IPO8: variants seen among roughly 807,000 people sequenced by gnomAD.
The protein encoded by IPO8 is importin-8.
Under a neutral mutation model 141.2 loss-of-function variants are expected in IPO8, and 65 were observed. That is an observed-to-expected ratio of 0.46 (90% CI 0.38 to 0.57). IPO8 has a LOEUF of 0.57. Ranked by LOEUF, IPO8 falls within the 20% of genes least tolerant of loss-of-function variation. The pLI, the probability that IPO8 is intolerant of heterozygous loss-of-function variation, is 0.00. For missense variants in IPO8, 980 were observed against 1,246.8 expected (o/e 0.79, Z 3.22); for synonymous variants, 411 against 420.3 (o/e 0.98, Z 0.27).
Position 30,639,547 on chromosome 12 carries a change from A to G in IPO8, c.2457T>C (p.Asn819=), listed in dbSNP as rs1262107303. 6.2e-7 allele frequency: 1 copy of G among 1,613,272 alleles called. No individual in the cohort carries two copies. Among genetic ancestry groups the G allele is most frequent in the East Asian group, 2.2e-5 (1 of 44,882 alleles). ...NPGPITVQFI[N]QWMNDTDCFL... is the part of the protein sequence containing the mutation. The stretch of plus-strand genomic sequence containing the variant: ...AACAATCTGTATCATTCATCCATTG[A>G]TTTATAAACTGTACAGTGATAGGTC... The change falls in exon 21 of 25, where the codon AAT becomes AAC. Residue 819 remains asparagine, a synonymous_variant. Transcript: ENST00000256079.
At chr12:30,665,876 C>A in intron 11 of IPO8, 31 bp from the exon 12 acceptor site, 1 of 1,384,494 alleles carries the variant, frequency 7.2e-7, no homozygotes, top group Non-Finnish European at 1.0e-6. Context: ...ATTTAGTCTA[C>A]ATGAACTTTC....
chr12:30,635,753 A>C (rs1028287244), intron 22 of IPO8, among the ~76,000 whole-genome samples: 3 of 152,130 alleles, frequency 2.0e-5, no homozygotes, highest in Admixed American at 1.3e-4. Flanking sequence ...TAAGGCACTT[A>C]ACCAGAGTTT....
chr12:30,674,795 A>G (rs181352576), intron 6 of IPO8, 42 bp from the exon 7 acceptor site: 144 of 1,275,574 alleles, frequency 1.1e-4, no homozygotes, highest in Admixed American at 6.2e-4. Flanking sequence ...CTGCATAATA[A>G]AAGGATTTAT....
intron 18 of IPO8, 78 bp downstream of exon 18, chr12:30,652,889 G>A: frequency 1.6e-6 from 2 of 1,229,684 alleles, no homozygotes; most frequent in South Asian, 2.8e-5. Flanking sequence ...GGAATCATAT[G>A]TGTTTTTATT....
intron 2 of IPO8, chr12:30,686,224 T>C (rs537069722): frequency 6.6e-6 from 1 of 152,334 alleles, no homozygotes; most frequent in East Asian, 1.9e-4. Flanking sequence ...ATAGTCATTA[T>C]ATTATGTAAC....
At chr12:30,680,271 A>G in intron 5 of IPO8, 1 of 425,312 alleles carries the variant, frequency 2.4e-6, no homozygotes, top group Non-Finnish European at 4.1e-6. Flanking sequence ...GATTTCAGAC[A>G]CTGGAGTGAA....
At chr12:30,651,794 T>A (rs1318802003) in intron 19 of IPO8, among the ~76,000 whole-genome samples, 3 of 152,068 alleles carry the variant, frequency 2.0e-5, no homozygotes, top group African/African-American at 7.2e-5. Context: ...CTATTAAAAT[T>A]TTTATCTTAT....
chr12:30,686,124 G>A (rs2053239948), intron 2 of IPO8, among the ~76,000 whole-genome samples: 1 of 151,952 alleles, frequency 6.6e-6, no homozygotes, highest in Non-Finnish European at 1.5e-5. Flanking sequence ...TTATATAAAG[G>A]GGGATGTGTG....
chr12:30,690,348 AAAGT>A (rs2053279808), intron 2 of IPO8, 144 bp downstream of exon 2: 1 of 574,698 alleles, frequency 1.7e-6, no homozygotes, highest in Non-Finnish European at 3.0e-6. Flanking sequence ...GGGGAAAAAG[AAAGT>A]GAGTTTTGAA....
In IPO8 at chr12:30,676,591, G is replaced by C; in HGVS notation, c.640-4C>G. 6.3e-7 allele frequency: 1 copy of C among 1,592,724 alleles called. No individual in the cohort carries two copies. The highest frequency in any genetic ancestry group is 1.1e-5 in the South Asian group (1 of 90,668). ...CTAGCTGAAGAGGCAATGCATACTG[G>C]AAAAGAGAAGAACAACATGAACAGT... On this transcript the variant is annotated splice_region_variant and splice_polypyrimidine_tract_variant and intron_variant, in intron 5 of 24. Coordinates refer to ENST00000256079, the MANE Select transcript of IPO8 (RefSeq NM_006390.4).
Position 30,662,371 on chromosome 12 carries a change from T to G in IPO8, c.1711A>C (p.Ser571Arg), listed in dbSNP as rs370360533. 3.8e-5 allele frequency: 62 copies of G among 1,613,812 alleles called. No homozygotes were observed. Among genetic ancestry groups the G allele is most frequent in the Non-Finnish European group, 5.3e-5 (62 of 1,179,908 alleles). ...NVIQKMICEY[S>R]QEVASIAVDM... is the part of the protein sequence containing the mutation. ...ACAGCAATTGAGGCTACCTCTTGAC[T>G]GTATTCACATATCATCTTCTGGATG... The change falls in exon 15 of 25, where the codon AGT becomes CGT. Residue 571 changes from serine (S) to arginine (R), a missense_variant. Transcript: ENST00000256079.
At chr12:30,684,185 T>G (rs2053216842) in intron 3 of IPO8, 116 bp downstream of exon 3, 2 of 823,302 alleles carry the variant, frequency 2.4e-6, no homozygotes, top group Non-Finnish European at 1.9e-6. Context: ...CCCTCTTTAT[T>G]ACTTTACCTC....
At chr12:30,683,954 A>G (rs2053214408) in intron 3 of IPO8, among the ~76,000 whole-genome samples, 1 of 152,234 alleles carries the variant, frequency 6.6e-6, no homozygotes. Context: ...TCTGTATCAA[A>G]GAAAAGAAAA....
intron 19 of IPO8, among the ~76,000 whole-genome samples, chr12:30,651,939 A>T (rs1348889596): frequency 6.6e-6 from 1 of 152,140 alleles, no homozygotes; most frequent in African/African-American, 2.4e-5. Flanking sequence ...AATCAAGTAG[A>T]AAATTCATGT....
chr12:30,662,450 C>T lies in IPO8; in HGVS notation c.1632G>A (p.Met544Ile). ...CTCTAACAATGTGCAACAGTTCCTG[C>T]ATAATAGGCCTCACATGTGGCTTCA... ...EYMKPHVRPI[M>I]QELLHIVRET... is the part of the protein sequence containing the mutation. Residue 544 changes from methionine to isoleucine, a missense_variant, in exon 15 of 25, where the codon ATG (methionine) becomes ATA (isoleucine). By Grantham distance (10) the Met-to-Ile change is conservative. Coordinates refer to ENST00000256079, the MANE Select transcript of IPO8 (RefSeq NM_006390.4). The T allele has an allele frequency of 6.2e-7, 1 of 1,612,744 alleles. No homozygotes were observed. Among genetic ancestry groups the T allele is most frequent in the South Asian group, 1.1e-5 (1 of 91,060 alleles).
Position 30,695,724 on chromosome 12 carries a change from C to T in IPO8, c.-77G>A, listed in dbSNP as rs890490241. The T allele has an allele frequency of 3.7e-6, 5 of 1,357,054 alleles. No homozygotes were observed. The South Asian group carries it at 6.3e-5, about 17-fold the overall frequency. The allele number at this position is 1,357,054 out of a possible 1,614,324, so 84.1% of individuals were successfully genotyped here. ...TTTAGTTTTCTTTTGACCCTCTCAG[C>T]CTCCTCTTCCGCGACCCCTGGATTA... On this transcript the variant is annotated 5_prime_UTR_variant, in exon 1 of 25. Coordinates refer to ENST00000256079, the MANE Select transcript of IPO8 (RefSeq NM_006390.4). The surrounding 1 kb of genome is among the most constrained non-coding windows in gnomAD (Gnocchi z 4.2).
At chr12:30,644,370 A>AT (rs1292461409) in intron 20 of IPO8, among the ~76,000 whole-genome samples, 1 of 97,258 alleles carries the variant, frequency 1.0e-5, no homozygotes, top group Non-Finnish European at 2.1e-5. Context: ...TCCAATCTCC[A>AT]TTAAAAAAAA....
chr12:30,681,868 G>C (rs189451510), intron 3 of IPO8, 51 bp from the exon 4 acceptor site: 2 of 1,444,494 alleles, frequency 1.4e-6, no homozygotes. Flanking sequence ...TAAATACTGT[G>C]TTTCAAAGAC....
rs761853255 is a variant in IPO8, at chr12:30,631,892, G to A, written c.3016+3C>T. Reference sequence around the variant, plus strand: ...CTCCACTCTGGAGGTTACTCTGGCTGACCTGCCACCGTCCGTCGGTGCTCT... The same window carrying A: ...CTCCACTCTGGAGGTTACTCTGGCTAACCTGCCACCGTCCGTCGGTGCTCT... On this transcript the variant is annotated splice_donor_region_variant and intron_variant, in intron 24 of 24. Transcript: ENST00000256079. 12 of 1,603,236 alleles carry A rather than the reference G, an allele frequency of 7.5e-6. No individual in the cohort carries two copies. The South Asian group carries it at 1.3e-4, about 18-fold the overall frequency.
Sources: gnomAD v4.1 joint callset for allele counts (sites outside exome capture counted in the v4.1 genomes callset) on GRCh38, gnomAD v4.1.1 for gene constraint, Gnocchi (gnomAD v3.1) non-coding constraint, MANE v1.5 for transcripts, NCBI Gene and HGNC (gene_info 2026-07-23, HGNC 2026-07-21) for gene names.